The following MEIOB variants were observed in gnomAD, a reference collection of about 807,000 sequenced individuals.
The protein encoded by MEIOB is meiosis specific with OB-fold, also known as meiosis-specific with OB domain-containing protein.
In MEIOB, 50 loss-of-function variants were observed where a neutral mutation model predicts 53.1. The ratio of observed to expected loss-of-function variants is 0.94; its 90% CI spans 0.75 to 1.19. The LOEUF (loss-of-function observed/expected upper bound fraction) is 1.19. Among genes scored for constraint, MEIOB ranks in the 50% most tolerant of loss-of-function variants. The probability of loss-of-function intolerance (pLI) is 0.00; values close to 1 mark genes in which losing one functional copy is unlikely to be tolerated. For missense variants in MEIOB, 551 were observed against 550.8 expected, an observed-to-expected ratio of 1.00 and a Z score of 0.00; for synonymous variants, 192 against 182.5, an observed-to-expected ratio of 1.05 and a Z score of -0.42.
At chr16:1,867,288 C>A (rs1184006713) in intron 2 of MEIOB, among the ~76,000 whole-genome samples, 2 of 151,862 alleles carry the variant, frequency 1.3e-5, no homozygotes, top group Non-Finnish European at 2.9e-5. Context: ...GAGATGTGTT[C>A]AAAATCATTG....
chr16:1,834,274 A>G lies in MEIOB; in HGVS notation c.1398T>C (p.Ser466=). 3.7e-6 allele frequency: 6 copies of G among 1,605,614 alleles called. No individual in the cohort carries two copies. The highest frequency in any genetic ancestry group is 4.3e-6 in the Non-Finnish European group (5 of 1,173,002). Residue 466 remains serine (S), a synonymous_variant, in exon 14 of 14, where the codon TCT becomes TCC. Transcript: ENST00000325962. ...ADPTEASRNL[S]GQKHV is the part of the protein sequence containing the mutation. The stretch of plus-strand genomic sequence containing the variant: ...GACCGTTTTAAACATGTTTTTGTCC[A>G]GACAAGTTTCTGCTTGCCTCAGTAG...
intron 2 of MEIOB, among the ~76,000 whole-genome samples, chr16:1,866,110 GCA>G (rs1363656856): frequency 6.6e-6 from 1 of 152,090 alleles, no homozygotes; most frequent in African/African-American, 2.4e-5. Flanking sequence ...ACCAGATGGA[GCA>G]TAATAACTGC....
intron 1 of MEIOB, among the ~76,000 whole-genome samples, chr16:1,869,653 G>A (rs201007595): frequency 1.3e-4 from 19 of 150,882 alleles, no homozygotes; most frequent in East Asian, 2.0e-4. Context: ...GGGTTTCACC[G>A]TGTTAGCCAG....
intron 5 of MEIOB, among the ~76,000 whole-genome samples, chr16:1,858,471 C>T (rs929652320): frequency 1.8e-4 from 27 of 152,164 alleles, no homozygotes; most frequent in African/African-American, 6.0e-4. Context: ...GCCCCACCTC[C>T]TCCCCACTGC....
chr16:1,867,972 C>G (rs999071747), intron 2 of MEIOB, 135 bp downstream of exon 2: 9 of 511,360 alleles, frequency 1.8e-5, no homozygotes, highest in African/African-American at 1.5e-4. Flanking sequence ...TAATATCTAA[C>G]AATTATACCA....
chr16:1,866,817 A>G (rs951555520), intron 2 of MEIOB, among the ~76,000 whole-genome samples: 1 of 152,232 alleles, frequency 6.6e-6, no homozygotes, highest in African/African-American at 2.4e-5. Flanking sequence ...GCAGCAACTG[A>G]TTTTAACCTT....
In MEIOB at chr16:1,834,359, AGAAC is replaced by A. The variant is rs772865632; in HGVS notation, c.1309_1312del (p.Val437TyrfsTer9). 1.3e-6 allele frequency: 2 copies of A among 1,578,460 alleles called. No individual in the cohort carries two copies. Among genetic ancestry groups the A allele is most frequent in the South Asian group, 1.1e-5 (1 of 88,818 alleles). On this transcript the variant is annotated frameshift_variant, in exon 14 of 14. Transcript: ENST00000325962. LOFTEE classifies it high-confidence loss of function. ...CAATCCACTCCTTGCTCTGTGTGAT[AGAAC>A]GAACTGCGAGGAGAAACAGAAAAAG...
chr16:1,855,743 T>A (rs546596211), intron 6 of MEIOB, among the ~76,000 whole-genome samples: 1 of 152,204 alleles, frequency 6.6e-6, no homozygotes, highest in East Asian at 1.9e-4. Context: ...TCTCCTGTTT[T>A]TCAAGATGAT....
chr16:1,866,162 T>G (rs1899588666), intron 2 of MEIOB, among the ~76,000 whole-genome samples: 1 of 152,224 alleles, frequency 6.6e-6, no homozygotes, highest in South Asian at 2.1e-4. Flanking sequence ...CCAAAGCACA[T>G]GTATAATGCA....
intron 2 of MEIOB, among the ~76,000 whole-genome samples, chr16:1,867,021 G>A (rs1015856738): frequency 1.3e-5 from 2 of 152,066 alleles, no homozygotes; most frequent in African/African-American, 4.8e-5. Context: ...TATCTGAAGA[G>A]ACCATTATTA....
At chr16:1,850,794 G>A (rs1407867717) in intron 9 of MEIOB, among the ~76,000 whole-genome samples, 7 of 150,780 alleles carry the variant, frequency 4.6e-5, no homozygotes, top group East Asian at 3.9e-4. Context: ...GGTGGCGGGC[G>A]CCTGTAGTCC....
chr16:1,865,633 G>C (rs890026425), intron 3 of MEIOB, 145 bp downstream of exon 3: 1 of 602,974 alleles, frequency 1.7e-6, no homozygotes, highest in African/African-American at 1.9e-5. Context: ...CCTTGAATCA[G>C]GTACTTGACC....
chr16:1,858,170 T>C (rs534690686), intron 5 of MEIOB, among the ~76,000 whole-genome samples: 2 of 152,326 alleles, frequency 1.3e-5, no homozygotes, highest in Admixed American at 6.5e-5. Context: ...TTGTCTGATC[T>C]TGCCCAAGAC....
Position 1,868,169 on chromosome 16 carries a change from T to G in MEIOB, c.7A>C (p.Asn3His). Reference protein sequence around the residue: MANSFAARIFTTL... With the variant: MAHSFAARIFTTL... ...GTGAAAATCCTCGCTGCAAAGGAGT[T>G]TGCCATTTTTTTAATCTGCATTTTA... The change falls in exon 2 of 14, where the codon AAC (asparagine) becomes CAC (histidine). Residue 3 changes from asparagine to histidine, a missense_variant. By Grantham distance (68) the Asn-to-His change is moderately conservative. Coordinates refer to ENST00000325962, the MANE Select transcript of MEIOB (RefSeq NM_001163560.3). 6.6e-7 allele frequency: 1 copy of G among 1,519,650 alleles called. No individual in the cohort carries two copies. The allele number at this position is 1,519,650 out of a possible 1,614,324, so 94.1% of individuals were successfully genotyped here.
chr16:1,856,194 C>T (rs1416798148), intron 6 of MEIOB, among the ~76,000 whole-genome samples: 1 of 147,828 alleles, frequency 6.8e-6, no homozygotes, highest in Admixed American at 6.9e-5. Context: ...CTCGTTCTGT[C>T]GCCCAGACTG....
At chr16:1,858,324 T>C (rs1433110316) in intron 5 of MEIOB, among the ~76,000 whole-genome samples, 1 of 152,102 alleles carries the variant, frequency 6.6e-6, no homozygotes, top group Non-Finnish European at 1.5e-5. Context: ...AGGGACTGTG[T>C]TTTTCCTACC....
chr16:1,838,192 G>C, intron 12 of MEIOB: 1 of 467,870 alleles, frequency 2.1e-6, no homozygotes, highest in Non-Finnish European at 3.8e-6. Flanking sequence ...TAGAGACAGG[G>C]TCTCACTATG....
chr16:1,857,495 C>G (rs191100179), intron 6 of MEIOB, among the ~76,000 whole-genome samples: 1 of 152,214 alleles, frequency 6.6e-6, no homozygotes, highest in East Asian at 1.9e-4. Flanking sequence ...AGATCATTTA[C>G]GAGCAGAGTG....
chr16:1,834,321 G>T lies in MEIOB; in HGVS notation c.1351C>A (p.Leu451Ile), dbSNP rs1177596560. The T allele has an allele frequency of 1.2e-6, 2 of 1,612,974 alleles. No homozygotes were observed. The highest frequency in any genetic ancestry group is 4.5e-5 in the East Asian group (2 of 44,864). ...GTAGGATCTGCAAGCTTGCACGAGA[G>T]TACACTAATTTTCAATCCACTCCTT... Reference protein sequence around the residue: ...RARSGLKISVLSCKLADPTEA... With the variant: ...RARSGLKISVISCKLADPTEA... The change falls in exon 14 of 14, where the codon CTC (leucine) becomes ATC (isoleucine). Residue 451 changes from leucine to isoleucine, a missense_variant. Physicochemically the swap from Leu to Ile is conservative, Grantham distance 5. Transcript: ENST00000325962.
Sources: allele counts gnomAD v4.1 joint callset (sites outside exome capture counted in the v4.1 genomes callset), GRCh38; gene constraint gnomAD v4.1.1; transcripts MANE v1.5; gene names NCBI Gene and HGNC (gene_info 2026-07-23, HGNC 2026-07-21).